Variants in DTNB observed in about 807,000 individuals in gnomAD.
DTNB encodes DTN-B.
In DTNB, 63 loss-of-function variants were observed where a neutral mutation model predicts 90.7. The observed-to-expected ratio is 0.69, with a 90% CI of 0.57 to 0.86. The LOEUF is 0.86. DTNB is among the 40% of genes least tolerant of loss of function. DTNB has a pLI of 0.00. For synonymous variants in DTNB, 277 were observed against 286.7 expected, an observed-to-expected ratio of 0.97 and a Z score of 0.34; for missense variants, 744 against 807.1, an observed-to-expected ratio of 0.92 and a Z score of 0.95.
At chr2:25,649,924 T>C (rs2080488293) in intron 2 of DTNB, 11 of 769,396 alleles carry the variant, frequency 1.4e-5, no homozygotes, top group Non-Finnish European at 1.7e-5. Flanking sequence ...TTGACGTTGC[T>C]GGAAATGAGG....
chr2:25,533,713 T>C (rs2078727017), intron 8 of DTNB, among the ~76,000 whole-genome samples: 1 of 152,250 alleles, frequency 6.6e-6, no homozygotes, highest in African/African-American at 2.4e-5. Context: ...TAGGTCTCTG[T>C]ATCTTGGCAT....
At chr2:25,390,433 T>C (rs1425525677) in intron 16 of DTNB, among the ~76,000 whole-genome samples, 1 of 151,982 alleles carries the variant, frequency 6.6e-6, no homozygotes, top group Non-Finnish European at 1.5e-5. Context: ...TTCTTTTCTT[T>C]TTCTTTTCGT....
rs751633018 is a variant in DTNB at position 25,627,903 on chromosome 2, A to AT, written c.362+267dup. Among the ~76,000 whole-genome samples the AT allele has an allele frequency of 1.2e-3, 177 of 151,872 alleles. 1 individual carries two copies. The highest frequency in any genetic ancestry group is 3.4e-3 in the Middle Eastern group (1 of 294). ...AGGCGCCCACCACCACGCCCGGCTA[A>AT]TTTTTTGTATTTTTAGTAGAGACGG... On this transcript the variant is annotated intron_variant, in intron 4 of 20. Coordinates refer to ENST00000406818, the MANE Select transcript of DTNB (RefSeq NM_021907.5).
At chr2:25,444,925 A>AT (rs547599435) in intron 12 of DTNB, among the ~76,000 whole-genome samples, 76 of 152,206 alleles carry the variant, frequency 5.0e-4, no homozygotes, top group Non-Finnish European at 8.8e-4. Context: ...TAGTTATAAG[A>AT]TAACTACACT....
At chr2:25,392,302 C>T (rs983733012) in intron 16 of DTNB, among the ~76,000 whole-genome samples, 6 of 151,910 alleles carry the variant, frequency 3.9e-5, no homozygotes, top group Non-Finnish European at 7.4e-5. Context: ...CCCAGCTACT[C>T]GGGAGGCTGA....
At chr2:25,650,852 T>G (rs1462807995) in intron 2 of DTNB, among the ~76,000 whole-genome samples, 1 of 151,876 alleles carries the variant, frequency 6.6e-6, no homozygotes, top group African/African-American at 2.4e-5. Context: ...TCCCAGCTAC[T>G]CACGAGGCTG....
intron 8 of DTNB, among the ~76,000 whole-genome samples, chr2:25,570,051 C>T (rs1435844354): frequency 6.7e-6 from 1 of 149,304 alleles, no homozygotes; most frequent in East Asian, 2.0e-4. Flanking sequence ...GAGCCGAGAT[C>T]GTGCCCCTGC....
At chr2:25,612,908 C>G (rs1316492507) in intron 4 of DTNB, among the ~76,000 whole-genome samples, 4 of 152,136 alleles carry the variant, frequency 2.6e-5, no homozygotes, top group Non-Finnish European at 4.4e-5. Context: ...ATATCCATTA[C>G]AAATTGAATC....
chr2:25,485,792 G>A (rs926424468), intron 9 of DTNB, among the ~76,000 whole-genome samples: 12 of 152,002 alleles, frequency 7.9e-5, no homozygotes, highest in African/African-American at 2.9e-4. Flanking sequence ...CCTGGGGAAC[G>A]TAGTGAGACC....
At chr2:25,584,496 T>C (rs1174264410) in intron 6 of DTNB, among the ~76,000 whole-genome samples, 1 of 152,206 alleles carries the variant, frequency 6.6e-6, no homozygotes, top group African/African-American at 2.4e-5. Flanking sequence ...ATGTTATTTA[T>C]GTTAACATAT....
At chr2:25,615,187 A>T (rs1361212109) in intron 4 of DTNB, among the ~76,000 whole-genome samples, 1 of 152,196 alleles carries the variant, frequency 6.6e-6, no homozygotes, top group Non-Finnish European at 1.5e-5. Context: ...GGAGATGCAT[A>T]GGGTGTGTTT....
intron 8 of DTNB, among the ~76,000 whole-genome samples, chr2:25,568,569 T>C (rs1218941039): frequency 6.6e-6 from 1 of 152,224 alleles, no homozygotes; most frequent in Non-Finnish European, 1.5e-5. Flanking sequence ...TAGTAAATAT[T>C]ATAGTTAGTT....
At chr2:25,665,092 C>T (rs945508530) in intron 1 of DTNB, among the ~76,000 whole-genome samples, 8 of 152,174 alleles carry the variant, frequency 5.3e-5, no homozygotes, top group African/African-American at 1.7e-4. Context: ...GCAGAAGTTA[C>T]GTAACTCCCA....
intron 10 of DTNB, among the ~76,000 whole-genome samples, chr2:25,474,612 C>G (rs879617400): frequency 6.6e-6 from 1 of 152,170 alleles, no homozygotes; most frequent in Non-Finnish European, 1.5e-5. Context: ...AAGATAAACT[C>G]TTTACCTTGT....
chr2:25,443,057 C>T (rs1474128625), intron 12 of DTNB, among the ~76,000 whole-genome samples: 1 of 152,048 alleles, frequency 6.6e-6, no homozygotes, highest in East Asian at 1.9e-4. Flanking sequence ...GTTTAGGAGA[C>T]AAAAGGTGAG....
intron 4 of DTNB, among the ~76,000 whole-genome samples, chr2:25,609,058 G>A (rs1376370646): frequency 6.6e-6 from 1 of 152,192 alleles, no homozygotes; most frequent in Non-Finnish European, 1.5e-5. Context: ...TCTGTGGCCA[G>A]AGAGGTGTCT....
intron 4 of DTNB, among the ~76,000 whole-genome samples, chr2:25,613,212 G>C (rs539173001): frequency 1.8e-4 from 27 of 152,086 alleles, no homozygotes; most frequent in Non-Finnish European, 3.5e-4. Flanking sequence ...GCCTCCCAAA[G>C]TGCTTGGATT....
Position 25,525,431 on chromosome 2 carries a change from G to A in DTNB, c.1001+6042C>T, listed in dbSNP as rs1379015488. Among the ~76,000 whole-genome samples the A allele has an allele frequency of 2.0e-5, 3 of 152,236 alleles. No homozygotes were observed. In the East Asian group the frequency reaches 5.8e-4, roughly 29 times the overall value. ...GCAGGTGGATCACCTGAGGTCAGAAGTTCAAGACCAGCCTGGCCAACATTG... is the reference window on the plus strand; with the variant it reads ...GCAGGTGGATCACCTGAGGTCAGAAATTCAAGACCAGCCTGGCCAACATTG... On this transcript the variant is annotated intron_variant, in intron 9 of 20. Coordinates refer to ENST00000406818, the MANE Select transcript of DTNB (RefSeq NM_021907.5).
intron 4 of DTNB, among the ~76,000 whole-genome samples, chr2:25,609,843 C>A (rs1458409437): frequency 6.6e-6 from 1 of 151,264 alleles, no homozygotes; most frequent in African/African-American, 2.4e-5. Context: ...ACCACTGACC[C>A]AAAACAAATC....
Sources: gnomAD v4.1 joint callset for allele counts (sites outside exome capture counted in the v4.1 genomes callset) on GRCh38, gnomAD v4.1.1 for gene constraint, MANE v1.5 for transcripts, NCBI Gene and HGNC (gene_info 2026-07-23, HGNC 2026-07-21) for gene names.